The following FHIT variants were observed in gnomAD, a reference collection of about 807,000 sequenced individuals.
FHIT encodes fragile histidine triad diadenosine triphosphatase.
A neutral mutation model predicts 17.9 loss-of-function variants in FHIT; 19 were observed. The ratio of observed to expected loss-of-function variants is 1.06; its 90% CI spans 0.74 to 1.56. FHIT has a LOEUF of 1.56. Ranked by LOEUF, FHIT falls within the 40% of genes most tolerant of loss-of-function variation. FHIT has a pLI of 0.00. For missense variants in FHIT, 248 were observed against 189.2 expected, an observed-to-expected ratio of 1.31 and a Z score of -1.82; for synonymous variants, 81 against 69.7, an observed-to-expected ratio of 1.16 and a Z score of -0.81.
At chr3:61,080,762 C>G (rs181670225) in intron 2 of FHIT, among the ~76,000 whole-genome samples, 1 of 151,894 alleles carries the variant, frequency 6.6e-6, no homozygotes, top group Non-Finnish European at 1.5e-5. Flanking sequence ...AGAGCCCTGA[C>G]AGCTTTGAAA....
chr3:61,173,809 A>T (rs564672903), intron 2 of FHIT, among the ~76,000 whole-genome samples: 29 of 152,312 alleles, frequency 1.9e-4, no homozygotes, highest in East Asian at 1.7e-3. Flanking sequence ...CAGCAGTCTG[A>T]ATATCAAATC....
chr3:60,631,257 G>A (rs1305962029), intron 4 of FHIT, among the ~76,000 whole-genome samples: 1 of 152,118 alleles, frequency 6.6e-6, no homozygotes. Context: ...ATATCATTTT[G>A]ATTTGGGTTG....
At chr3:60,487,372 T>A (rs1010262946) in intron 5 of FHIT, among the ~76,000 whole-genome samples, 2 of 152,158 alleles carry the variant, frequency 1.3e-5, no homozygotes, top group Non-Finnish European at 2.9e-5. Flanking sequence ...TCATTCTTCT[T>A]AAGTGTGATT....
chr3:59,999,347 G>A (rs1227798307), intron 7 of FHIT, among the ~76,000 whole-genome samples: 1 of 152,094 alleles, frequency 6.6e-6, no homozygotes, highest in East Asian at 1.9e-4. Flanking sequence ...TAAAGTTAAT[G>A]GAATTACCGT....
chr3:61,011,165 AGCTTAGAG>A (rs1402111264), intron 3 of FHIT, among the ~76,000 whole-genome samples: 1 of 152,180 alleles, frequency 6.6e-6, no homozygotes, highest in African/African-American at 2.4e-5. Context: ...TTTCTTGTGT[AGCTTAGAG>A]AATTTTCCAA....
At chr3:60,503,569 C>T (rs1446200227) in intron 5 of FHIT, among the ~76,000 whole-genome samples, 2 of 152,032 alleles carry the variant, frequency 1.3e-5, no homozygotes, top group African/African-American at 4.8e-5. Flanking sequence ...TGTGGCATGA[C>T]TTCTAATAGT....
chr3:60,192,175 C>T (rs903025914), intron 5 of FHIT, among the ~76,000 whole-genome samples: 66 of 147,378 alleles, frequency 4.5e-4, no homozygotes, highest in African/African-American at 1.2e-3. Context: ...CGCTCGAGCC[C>T]GGGAGGCGGA....
At chr3:60,641,524 G>T (rs961518868) in intron 4 of FHIT, among the ~76,000 whole-genome samples, 9 of 152,120 alleles carry the variant, frequency 5.9e-5, no homozygotes, top group Non-Finnish European at 1.3e-4. Context: ...AACATGACAA[G>T]CATGAAAAGA....
At chr3:60,375,877 T>C (rs749818509) in intron 5 of FHIT, among the ~76,000 whole-genome samples, 7 of 152,172 alleles carry the variant, frequency 4.6e-5, no homozygotes, top group Non-Finnish European at 8.8e-5. Context: ...CAGATGTGTG[T>C]TGCCCAATAT....
chr3:61,074,922 A>G (rs768141235), intron 2 of FHIT, among the ~76,000 whole-genome samples: 25 of 152,192 alleles, frequency 1.6e-4, no homozygotes, highest in Non-Finnish European at 3.1e-4. Context: ...TGTGAAAAGC[A>G]TCAAGTTAAA....
chr3:60,009,275 A>T (rs1700051237), intron 7 of FHIT, among the ~76,000 whole-genome samples: 1 of 150,698 alleles, frequency 6.6e-6, no homozygotes, highest in South Asian at 2.1e-4. Flanking sequence ...ACGAGTCAAG[A>T]TATCCCCATT....
chr3:59,945,524 T>C (rs1025763364), intron 7 of FHIT, among the ~76,000 whole-genome samples: 5 of 151,792 alleles, frequency 3.3e-5, no homozygotes, highest in Non-Finnish European at 1.5e-5. Flanking sequence ...TTTAGCTTAA[T>C]TAGGTTCCAT....
chr3:60,991,657 A>G (rs1013458778), intron 3 of FHIT, among the ~76,000 whole-genome samples: 4 of 152,182 alleles, frequency 2.6e-5, no homozygotes, highest in African/African-American at 9.6e-5. Context: ...TAGGGACTCC[A>G]TCAAACTTAC....
At chr3:60,000,638 T>C (rs575526334) in intron 7 of FHIT, among the ~76,000 whole-genome samples, 5 of 151,462 alleles carry the variant, frequency 3.3e-5, no homozygotes, top group African/African-American at 7.3e-5. Flanking sequence ...GTGCCTAAGA[T>C]AGACATGAGA....
At chr3:60,067,176 G>A (rs76185583) in intron 5 of FHIT, among the ~76,000 whole-genome samples, 1,915 of 152,210 alleles carry the variant, frequency 0.013, 38 homozygotes, top group African/African-American at 0.044. Context: ...AGGGAATTCA[G>A]TGCTAAAGTA....
chr3:59,898,770 T>G (rs570490086), intron 8 of FHIT, among the ~76,000 whole-genome samples: 5 of 152,126 alleles, frequency 3.3e-5, no homozygotes, highest in South Asian at 2.1e-4. Flanking sequence ...GTTCAGACAT[T>G]GATTTCTCAC....
intron 5 of FHIT, among the ~76,000 whole-genome samples, chr3:60,323,831 C>A (rs1309443950): frequency 6.6e-6 from 1 of 152,162 alleles, no homozygotes; most frequent in Non-Finnish European, 1.5e-5. Flanking sequence ...GGGATCCCTG[C>A]CTGAGGCTCT....
intron 8 of FHIT, among the ~76,000 whole-genome samples, chr3:59,865,641 G>C (rs1446923340): frequency 6.9e-6 from 1 of 144,652 alleles, no homozygotes; most frequent in Non-Finnish European, 1.5e-5. Flanking sequence ...CTCACTAACA[G>C]AATGCTTTTA....
intron 5 of FHIT, among the ~76,000 whole-genome samples, chr3:60,465,863 T>C (rs780694528): frequency 2.0e-5 from 3 of 152,116 alleles, no homozygotes; most frequent in Non-Finnish European, 2.9e-5. Context: ...GCTTTAGCTA[T>C]TCTGGGTCTT....
Sources: allele counts gnomAD v4.1 joint callset (sites outside exome capture counted in the v4.1 genomes callset), GRCh38; gene constraint gnomAD v4.1.1; transcripts MANE v1.5; gene names NCBI Gene and HGNC (gene_info 2026-07-23, HGNC 2026-07-21).